The following HADH variants were observed in gnomAD, a reference collection of about 807,000 sequenced individuals.
HADH encodes the protein hydroxyacyl-coenzyme A dehydrogenase, mitochondrial.
A neutral mutation model predicts 32.2 loss-of-function variants in HADH; 24 were observed. The observed-to-expected ratio is 0.75, with a 90% CI of 0.54 to 1.05. HADH has a LOEUF of 1.05. Ranked by LOEUF, HADH falls within the 50% of genes least tolerant of loss-of-function variation. The pLI, the probability that HADH is intolerant of heterozygous loss-of-function variation, is 0.00. For missense variants in HADH, 350 were observed against 397.1 expected, an observed-to-expected ratio of 0.88 and a Z score of 1.01; for synonymous variants, 139 against 152.5, an observed-to-expected ratio of 0.91 and a Z score of 0.65.
In HADH at chr4:108,009,764, T is replaced by C; in HGVS notation, c.138T>C (p.Ala46=). The C allele has an allele frequency of 1.2e-6, 2 of 1,613,766 alleles. No individual in the cohort carries two copies. The highest frequency in any genetic ancestry group is 1.7e-6 in the Non-Finnish European group (2 of 1,179,668). ...GLMGAGIAQV[A]AATGHTVVLV... Reference sequence around the variant, plus strand: ...TTGTTCTTTTGTTGCTCTAGGTTGCTGCAGCAACTGGTCACACAGTAGTGT... The same window carrying C: ...TTGTTCTTTTGTTGCTCTAGGTTGCCGCAGCAACTGGTCACACAGTAGTGT... The change falls in exon 2 of 8, where the codon GCT becomes GCC. Residue 46 remains alanine (A), a synonymous_variant. Coordinates refer to ENST00000309522, the MANE Select transcript of HADH (RefSeq NM_005327.7).
chr4:108,007,754 T>A (rs1735337951), intron 1 of HADH, among the ~76,000 whole-genome samples: 1 of 152,212 alleles, frequency 6.6e-6, no homozygotes, highest in Non-Finnish European at 1.5e-5. Flanking sequence ...GGACCTATAA[T>A]CCTGTGGATA....
At chr4:108,016,645 C>A (rs1735704546) in intron 3 of HADH, among the ~76,000 whole-genome samples, 1 of 152,210 alleles carries the variant, frequency 6.6e-6, no homozygotes, top group Non-Finnish European at 1.5e-5. Context: ...GACTGCCCTC[C>A]ATTGTCCATG....
intron 5 of HADH, chr4:108,026,551 T>G (rs1215637858): frequency 6.6e-6 from 1 of 152,220 alleles, no homozygotes; most frequent in Non-Finnish European, 1.5e-5. Flanking sequence ...AAAACTTGTT[T>G]GTGCATCTTT....
At chr4:108,021,375 T>A (rs1735879715) in intron 4 of HADH, among the ~76,000 whole-genome samples, 1 of 152,244 alleles carries the variant, frequency 6.6e-6, no homozygotes, top group African/African-American at 2.4e-5. Context: ...ATGCTACTAT[T>A]TTTTAGAAAG....
intron 5 of HADH, chr4:108,024,466 A>G (rs1735993365): frequency 6.6e-6 from 1 of 152,204 alleles, no homozygotes; most frequent in Admixed American, 6.5e-5. Context: ...TAACCCATGA[A>G]AAATCATGTT....
chr4:108,029,274 C>T, intron 6 of HADH: 1 of 188,242 alleles, frequency 5.3e-6, no homozygotes, highest in East Asian at 1.2e-4. Context: ...CTTCAAGCAT[C>T]TGGAGGCTCC....
intron 2 of HADH, 64 bp from the exon 3 acceptor site, chr4:108,014,367 A>G: frequency 6.3e-7 from 1 of 1,590,962 alleles, no homozygotes; most frequent in South Asian, 1.1e-5. Context: ...AGCAGAGCTA[A>G]GAACTTGAAA....
rs140413151 is a variant in HADH, at chr4:108,027,694, C to A, written c.643C>A (p.Pro215Thr). The change falls in exon 6 of 8, where the codon CCT (proline) becomes ACT (threonine). Residue 215 changes from proline (P) to threonine (T), a missense_variant. Transcript: ENST00000309522. ...GKHPVSCKDT[P>T]GFIVNRLLVP... is the part of the protein sequence containing the mutation. ...TTTCTGTCTCCCAAAACAGGACACT[C>A]CTGGGTTTATTGTGAACCGCCTCCT... 3.0e-3 allele frequency: 4,839 copies of A among 1,603,218 alleles called. 15 individuals are homozygous for A. Among genetic ancestry groups the A allele is most frequent in the Non-Finnish European group, 3.7e-3 (4,384 of 1,170,056 alleles).
intron 3 of HADH, among the ~76,000 whole-genome samples, chr4:108,015,613 GTTGTTCTCCA>G (rs1276784783): frequency 6.6e-6 from 1 of 152,078 alleles, no homozygotes; most frequent in Non-Finnish European, 1.5e-5. Context: ...TATGGTTTCC[GTTGTTCTCCA>G]TCCTCCCACT....
At chr4:108,032,246 A>G in intron 6 of HADH, 1 of 798,214 alleles carries the variant, frequency 1.3e-6, no homozygotes. Context: ...ATTGTTCTCC[A>G]TAAAGGCCTC....
intron 2 of HADH, 86 bp downstream of exon 2, chr4:108,009,973 CTTTCTT>C: frequency 1.9e-6 from 1 of 525,848 alleles, no homozygotes; most frequent in Non-Finnish European, 3.0e-6. Flanking sequence ...GGCTTTCTTT[CTTTCTT>C]TTTTTTTTTT....
chr4:108,030,032 C>T (rs1390100062), intron 6 of HADH: 1 of 152,374 alleles, frequency 6.6e-6, no homozygotes, highest in African/African-American at 2.4e-5. Flanking sequence ...CAGCTCTTCT[C>T]AGGAGGGCTC....
chr4:108,019,595 G>A lies in HADH; in HGVS notation c.475G>A (p.Ala159Thr), dbSNP rs1735810364. The A allele has an allele frequency of 1.9e-6, 3 of 1,613,990 alleles. No homozygotes were observed. Among genetic ancestry groups the A allele is most frequent in the Non-Finnish European group, 2.5e-6 (3 of 1,179,886 alleles). The change falls in exon 4 of 8, where the codon GCC (alanine) becomes ACC (threonine). Residue 159 changes from alanine to threonine, a missense_variant. Physicochemically the swap from Ala to Thr is moderately conservative, Grantham distance 58 (BLOSUM62 0). Coordinates refer to ENST00000309522, the MANE Select transcript of HADH (RefSeq NM_005327.7). The part of the protein sequence containing the change: ...SSLQITSIAN[A>T]TTRQDRFAGL... ...CTTGCAGATTACAAGCATAGCTAAT[G>A]CCACCACCAGACAAGACCGATTCGC...
intron 2 of HADH, among the ~76,000 whole-genome samples, chr4:108,010,454 A>G (rs1735447686): frequency 6.6e-6 from 1 of 152,174 alleles, no homozygotes; most frequent in Non-Finnish European, 1.5e-5. Context: ...AGGAGTTTGC[A>G]TTTAATTAGA....
chr4:108,029,403 C>G lies in HADH; in HGVS notation c.709+1643C>G, dbSNP rs189395176. The G allele has an allele frequency of 1.3e-3, 201 of 152,870 alleles. 1 individual carries two copies. Among genetic ancestry groups the G allele is most frequent in the Non-Finnish European group, 2.3e-3 (159 of 68,420 alleles). 9.5% of individuals were successfully genotyped at this position (152,870 alleles called of 1,614,324 possible). On this transcript the variant is annotated intron_variant, in intron 6 of 7. Transcript: ENST00000309522. ...TGCCTTCATGAGGTTCCTTAGGTAGCAGAGTAATTCACGCTACTCATGTCT... is the reference window on the plus strand; with the variant it reads ...TGCCTTCATGAGGTTCCTTAGGTAGGAGAGTAATTCACGCTACTCATGTCT...
chr4:108,010,633 A>C (rs959984628), intron 2 of HADH, among the ~76,000 whole-genome samples: 1 of 152,186 alleles, frequency 6.6e-6, no homozygotes, highest in Non-Finnish European at 1.5e-5. Flanking sequence ...CCAAGGTGGT[A>C]TATCTAGATG....
At position 108,007,002 on chromosome 4, in the gene HADH, C is replaced by T. The variant is rs759817486; in HGVS notation, c.133-2757C>T. ...ATTAATCAGAAATAGTCTTGGAAAA[C>T]GCAGATTATGAACCCGGCACATAGT... On this transcript the variant is annotated intron_variant, in intron 1 of 7. Coordinates refer to ENST00000309522, the MANE Select transcript of HADH (RefSeq NM_005327.7). Among the ~76,000 whole-genome samples, 49 of 152,286 alleles carry T rather than the reference C, an allele frequency of 3.2e-4. 1 individual carries two copies. The highest frequency in any genetic ancestry group is 1.2e-4 in the Non-Finnish European group (8 of 68,024).
chr4:108,014,707 A>G, intron 3 of HADH, 119 bp downstream of exon 3: 4 of 851,862 alleles, frequency 4.7e-6, no homozygotes, highest in South Asian at 4.5e-5. Context: ...CCATGCCTAT[A>G]TTGTGTAGTG....
chr4:108,002,286 C>G (rs1735142346), intron 1 of HADH, among the ~76,000 whole-genome samples: 1 of 152,206 alleles, frequency 6.6e-6, no homozygotes, highest in Non-Finnish European at 1.5e-5. Context: ...GCTACCTGAG[C>G]TCTGCCTCCT....
Sources: gnomAD v4.1 joint callset for allele counts (sites outside exome capture counted in the v4.1 genomes callset) on GRCh38, gnomAD v4.1.1 for gene constraint, MANE v1.5 for transcripts, NCBI Gene and HGNC (gene_info 2026-07-23, HGNC 2026-07-21) for gene names.